The following WASF1 variants were observed in gnomAD, a reference collection of about 807,000 sequenced individuals.
WASF1 encodes the protein WASP family member 1.
A neutral mutation model predicts 50.5 loss-of-function variants in WASF1; 7 were observed. That is an observed-to-expected ratio of 0.14 (90% confidence interval 0.08 to 0.26). The LOEUF is 0.26. Among genes scored for constraint, WASF1 ranks in the 10% least tolerant of loss-of-function variants. The probability of loss-of-function intolerance (pLI) is 1.00; values close to 1 mark genes in which losing one functional copy is unlikely to be tolerated. For synonymous variants in WASF1, 205 were observed against 244.0 expected, an observed-to-expected ratio of 0.84 and a Z score of 1.49; for missense variants, 470 against 694.7, an observed-to-expected ratio of 0.68 and a Z score of 3.64.
chr6:110,153,620 C>T (rs1775921739), intron 3 of WASF1, among the ~76,000 whole-genome samples: 2 of 151,940 alleles, frequency 1.3e-5, no homozygotes, highest in Admixed American at 1.3e-4. Flanking sequence ...TTAAAGCTAA[C>T]ACAAGACTGG....
chr6:110,139,342 CA>C (rs1283968451), intron 3 of WASF1, among the ~76,000 whole-genome samples: 4 of 152,208 alleles, frequency 2.6e-5, no homozygotes, highest in African/African-American at 9.6e-5. Flanking sequence ...ACAGGGCTCC[CA>C]CCCCACCAAC....
intron 3 of WASF1, among the ~76,000 whole-genome samples, chr6:110,145,671 G>C (rs550009317): frequency 5.3e-5 from 8 of 152,012 alleles, no homozygotes; most frequent in South Asian, 2.1e-4. Context: ...TAGCATGAAG[G>C]GTTGCTGAAT....
chr6:110,129,889 T>C (rs1242990641), intron 3 of WASF1, among the ~76,000 whole-genome samples: 1 of 152,252 alleles, frequency 6.6e-6, no homozygotes, highest in East Asian at 1.9e-4. Flanking sequence ...GTTAAAATAC[T>C]GTAATTTTCC....
intron 2 of WASF1, among the ~76,000 whole-genome samples, chr6:110,173,104 C>A (rs910234896): frequency 1.1e-4 from 17 of 151,980 alleles, no homozygotes; most frequent in African/African-American, 3.6e-4. Flanking sequence ...AACTAGAAAA[C>A]AAACTTACTT....
chr6:110,110,018 C>T (rs1266206864), intron 5 of WASF1, among the ~76,000 whole-genome samples: 1 of 152,204 alleles, frequency 6.6e-6, no homozygotes, highest in South Asian at 2.1e-4. Context: ...TCCACTGCTG[C>T]ATGACCTGTA....
intron 2 of WASF1, among the ~76,000 whole-genome samples, chr6:110,174,931 CA>C (rs1223827875): frequency 5.9e-5 from 9 of 152,006 alleles, no homozygotes; most frequent in African/African-American, 2.2e-4. Flanking sequence ...TAGCTTAAAC[CA>C]AAAACAGGCA....
intron 3 of WASF1, 46 bp from the exon 4 acceptor site, chr6:110,127,675 C>T: frequency 7.8e-6 from 11 of 1,414,348 alleles, no homozygotes; most frequent in Non-Finnish European, 9.3e-6. Flanking sequence ...TTTCAGCCAA[C>T]ACAGAATGAG....
chr6:110,170,231 T>C (rs975756996), intron 2 of WASF1, among the ~76,000 whole-genome samples: 1 of 151,796 alleles, frequency 6.6e-6, no homozygotes, highest in Non-Finnish European at 1.5e-5. Context: ...TTTTTGGGGG[T>C]GGAGGGGGTG....
At chr6:110,162,830 T>C (rs1776314389) in intron 2 of WASF1, among the ~76,000 whole-genome samples, 1 of 151,668 alleles carries the variant, frequency 6.6e-6, no homozygotes, top group Non-Finnish European at 1.5e-5. Flanking sequence ...AACTACAACC[T>C]TTCCTGCTAA....
intron 2 of WASF1, among the ~76,000 whole-genome samples, chr6:110,161,200 G>A (rs1562187702): frequency 6.6e-6 from 1 of 151,476 alleles, no homozygotes; most frequent in Non-Finnish European, 1.5e-5. Flanking sequence ...TTTTACTTAT[G>A]TTATAGTCTT....
At chr6:110,108,968 CT>C in intron 5 of WASF1, among the ~76,000 whole-genome samples, 1 of 152,214 alleles carries the variant, frequency 6.6e-6, no homozygotes, top group Non-Finnish European at 1.5e-5. Flanking sequence ...CCAAATATAC[CT>C]TTTTCTTTCT....
At chr6:110,141,034 A>T (rs1775208181) in intron 3 of WASF1, among the ~76,000 whole-genome samples, 1 of 152,102 alleles carries the variant, frequency 6.6e-6, no homozygotes, top group African/African-American at 2.4e-5. Context: ...AAAACTTATG[A>T]ATTTTTTTTT....
intron 3 of WASF1, among the ~76,000 whole-genome samples, chr6:110,136,422 C>CT (rs1424904006): frequency 6.6e-6 from 1 of 152,172 alleles, no homozygotes; most frequent in Non-Finnish European, 1.5e-5. Flanking sequence ...TTAGTTACAT[C>CT]TGCTAATGTA....
At position 110,103,534 on chromosome 6, in the gene WASF1, A is replaced by G. The variant is rs1217612849; in HGVS notation, c.737T>C (p.Met246Thr). 1.2e-6 allele frequency: 2 copies of G among 1,613,364 alleles called. No homozygotes were observed. Among genetic ancestry groups the G allele is most frequent in the African/African-American group, 1.3e-5 (1 of 74,908 alleles). ...ETRPQTYVDH[M>T]DGSYSLSALP... ...GGCAGAAAGTGAGTAAGATCCATCC[A>G]TATGATCCACGTATGTCTGAGGTCT... is the stretch of plus-strand genomic sequence containing the variant. Residue 246 changes from methionine (M) to threonine (T), a missense_variant, in exon 9 of 11, where the codon ATG becomes ACG. Met to Thr is a moderately conservative substitution (Grantham distance 81, BLOSUM62 -1). Transcript: ENST00000392589.
intron 2 of WASF1, among the ~76,000 whole-genome samples, chr6:110,168,999 CCT>C (rs1287312154): frequency 6.6e-6 from 1 of 152,056 alleles, no homozygotes; most frequent in Non-Finnish European, 1.5e-5. Flanking sequence ...GGCCTTATCC[CCT>C]GTCCCAACAG....
In WASF1 at chr6:110,100,688, G is replaced by A. The variant is rs1473696378; in HGVS notation, c.1523-9C>T. 6.2e-7 allele frequency: 1 copy of A among 1,602,140 alleles called. No homozygotes were observed. The highest frequency in any genetic ancestry group is 8.5e-7 in the Non-Finnish European group (1 of 1,174,294). On this transcript the variant is annotated splice_polypyrimidine_tract_variant and intron_variant, in intron 10 of 10. Coordinates refer to ENST00000392589, the MANE Select transcript of WASF1 (RefSeq NM_003931.3). ...TTTGCGTAGCTGAATACCTGATACAGTGAATCCAAACCATTCATTTAAATC... is the reference window on the plus strand; with the variant it reads ...TTTGCGTAGCTGAATACCTGATACAATGAATCCAAACCATTCATTTAAATC...
At chr6:110,141,943 TG>T (rs1775260848) in intron 3 of WASF1, among the ~76,000 whole-genome samples, 1 of 152,156 alleles carries the variant, frequency 6.6e-6, no homozygotes, top group South Asian at 2.1e-4. Flanking sequence ...AGCTAATTTT[TG>T]TATTTTTAGT....
At chr6:110,125,104 ATTT>A (rs368486583) in intron 4 of WASF1, among the ~76,000 whole-genome samples, 1 of 152,170 alleles carries the variant, frequency 6.6e-6, no homozygotes, top group Non-Finnish European at 1.5e-5. Context: ...AGTAATTCAG[ATTT>A]TATTATCTAA....
At chr6:110,168,850 A>G (rs984345789) in intron 2 of WASF1, among the ~76,000 whole-genome samples, 2 of 152,056 alleles carry the variant, frequency 1.3e-5, no homozygotes, top group African/African-American at 4.8e-5. Context: ...CATTATTATA[A>G]AACAACTTTG....
Sources: allele counts gnomAD v4.1 joint callset (sites outside exome capture counted in the v4.1 genomes callset), GRCh38; gene constraint gnomAD v4.1.1; transcripts MANE v1.5; gene names NCBI Gene and HGNC (gene_info 2026-07-23, HGNC 2026-07-21).